Variants in DHRSX observed in about 807,000 individuals in gnomAD.
DHRSX encodes polyprenol dehydrogenase.
In DHRSX, 31 loss-of-function variants were observed where a neutral mutation model predicts 34.0. The ratio of observed to expected loss-of-function variants is 0.91; its 90% confidence interval spans 0.69 to 1.23. The LOEUF is 1.23. Ranked by LOEUF, DHRSX falls within the 50% of genes most tolerant of loss-of-function variation. The pLI, the probability that DHRSX is intolerant of heterozygous loss-of-function variation, is 0.00. For missense variants in DHRSX, 414 were observed against 428.1 expected (o/e 0.97, Z 0.29); for synonymous variants, 201 against 183.8 (o/e 1.09, Z -0.76).
At chrX:2,390,366 G>A (rs2043321644) in intron 3 of DHRSX, among the ~76,000 whole-genome samples, 1 of 151,174 alleles carries the variant, frequency 6.6e-6, no homozygotes, top group South Asian at 2.1e-4. Context: ...TCAAACTCCT[G>A]ACCTCAGGTG....
intron 6 of DHRSX, among the ~76,000 whole-genome samples, chrX:2,238,572 G>C (rs1189467245): frequency 6.6e-6 from 1 of 151,178 alleles, no homozygotes; most frequent in East Asian, 1.9e-4. Context: ...GATCCTGCAA[G>C]GTTTTTCTTC....
At chrX:2,478,901 G>A (rs1049849784) in intron 1 of DHRSX, among the ~76,000 whole-genome samples, 2 of 151,864 alleles carry the variant, frequency 1.3e-5, no homozygotes, top group Non-Finnish European at 2.9e-5. Flanking sequence ...CTAAGTATGT[G>A]GCTAAGGGAC....
At chrX:2,445,318 T>G (rs1467275234) in intron 1 of DHRSX, among the ~76,000 whole-genome samples, 1 of 152,162 alleles carries the variant, frequency 6.6e-6, no homozygotes, top group Non-Finnish European at 1.5e-5. Flanking sequence ...TATTTTGCCG[T>G]GACCAGGATT....
At chrX:2,448,600 A>G (rs1462135571) in intron 1 of DHRSX, among the ~76,000 whole-genome samples, 1 of 152,076 alleles carries the variant, frequency 6.6e-6, no homozygotes, top group African/African-American at 2.4e-5. Flanking sequence ...TTAATATGTT[A>G]ATTGACTTGA....
rs181308644 is a variant in DHRSX, at chrX:2,379,035, C to T, written c.286+29710G>A. Reference sequence around the variant, plus strand: ...TGTGTCTGGTGCAATAATGACCTGCCTCATGATCTGTCACTGTCTCCCATT... The same window carrying T: ...TGTGTCTGGTGCAATAATGACCTGCTTCATGATCTGTCACTGTCTCCCATT... On this transcript the variant is annotated intron_variant, in intron 3 of 6. Transcript: ENST00000334651. Among the ~76,000 whole-genome samples the T allele has an allele frequency of 9.1e-3, 1,379 of 152,240 alleles. 10 individuals are homozygous for T. The highest frequency in any genetic ancestry group is 0.019 in the South Asian group (91 of 4,818).
intron 2 of DHRSX, among the ~76,000 whole-genome samples, chrX:2,413,061 G>A (rs2043651368): frequency 6.6e-6 from 1 of 152,094 alleles, no homozygotes; most frequent in Non-Finnish European, 1.5e-5. Flanking sequence ...CGGGTACGGT[G>A]GCATGCACCT....
At chrX:2,295,357 T>C (rs1317332825) in intron 3 of DHRSX, among the ~76,000 whole-genome samples, 1 of 152,106 alleles carries the variant, frequency 6.6e-6, no homozygotes, top group East Asian at 1.9e-4. Context: ...TTCTCACTCA[T>C]CAGTGGAAGT....
chrX:2,303,875 G>GAACT (rs2042052382), intron 3 of DHRSX, among the ~76,000 whole-genome samples: 1 of 136,854 alleles, frequency 7.3e-6, no homozygotes, highest in Admixed American at 7.2e-5. Flanking sequence ...ATGGGTGGAT[G>GAACT]GGTGGATGGA....
intron 1 of DHRSX, among the ~76,000 whole-genome samples, chrX:2,433,913 T>C (rs28581835): frequency 0.11 from 17,248 of 152,112 alleles, 1,815 homozygotes; most frequent in African/African-American, 0.27. Flanking sequence ...TAGCTGGGAC[T>C]ACAGGCGCCC....
intron 3 of DHRSX, among the ~76,000 whole-genome samples, chrX:2,300,042 G>A (rs1207490493): frequency 6.6e-6 from 1 of 152,108 alleles, no homozygotes; most frequent in African/African-American, 2.4e-5. Flanking sequence ...TTTGTTTGGA[G>A]TTCTGGCAAA....
At chrX:2,344,274 T>A (rs773726168) in intron 3 of DHRSX, among the ~76,000 whole-genome samples, 1 of 152,228 alleles carries the variant, frequency 6.6e-6, no homozygotes, top group African/African-American at 2.4e-5. Flanking sequence ...ATTAGAGAAA[T>A]GCAAATCAAA....
chrX:2,256,196 T>C (rs112975432), intron 5 of DHRSX, among the ~76,000 whole-genome samples: 18,059 of 150,770 alleles, frequency 0.12, 3,511 homozygotes, highest in African/African-American at 0.41. Flanking sequence ...GGTTTCACCA[T>C]GTTGGCCAGG....
chrX:2,249,926 G>A (rs2016397104), intron 5 of DHRSX, among the ~76,000 whole-genome samples: 1 of 151,968 alleles, frequency 6.6e-6, no homozygotes, highest in Non-Finnish European at 1.5e-5. Context: ...GACTTTGGGA[G>A]GCCAAGGCTG....
rs186270801 is a variant in DHRSX at position 2,480,395 on chromosome X, T to C, written c.109+20422A>G. On this transcript the variant is annotated intron_variant, in intron 1 of 6. Coordinates refer to ENST00000334651, the MANE Select transcript of DHRSX (RefSeq NM_145177.3). ...TTTGTCAAAGAACATAAAATTTCAG[T>C]TGGAGGCCAGGAGCGGTGGCTCATG... Among the ~76,000 whole-genome samples, 316 of 150,926 alleles carry C rather than the reference T, an allele frequency of 2.1e-3. 2 individuals are homozygous for C. The highest frequency in any genetic ancestry group is 6.3e-3 in the African/African-American group (258 of 41,110).
Position 2,425,228 on chromosome X carries a change from A to C in DHRSX, c.186T>G (p.His62Gln), listed in dbSNP as rs2043828825. The change falls in exon 2 of 7, where the codon CAT becomes CAG. Residue 62 changes from histidine to glutamine, a missense_variant. His to Gln is a conservative substitution (Grantham distance 24, BLOSUM62 0). Transcript: ENST00000334651. ...TAACATGCATGCCAAGTCTCGCCAGATGCTTCGCTGTAGAATAGCCAATGC... is the reference window on the plus strand; with the variant it reads ...TAACATGCATGCCAAGTCTCGCCAGCTGCTTCGCTGTAGAATAGCCAATGC... ...TDGIGYSTAKHLARLGMHVII... is the reference protein window; with the variant it reads ...TDGIGYSTAKQLARLGMHVII... 1 of 1,613,712 alleles carries C rather than the reference A, an allele frequency of 6.2e-7. No homozygotes were observed. The highest frequency in any genetic ancestry group is 1.3e-5 in the African/African-American group (1 of 74,874).
intron 3 of DHRSX, among the ~76,000 whole-genome samples, chrX:2,304,124 A>AATGG (rs2042062892): frequency 5.8e-5 from 1 of 17,150 alleles, no homozygotes; most frequent in South Asian, 2.3e-3. Flanking sequence ...TGGATGGATA[A>AATGG]ATGGATGGAT....
chrX:2,318,295 G>A (rs1219752918), intron 3 of DHRSX, among the ~76,000 whole-genome samples: 2 of 150,934 alleles, frequency 1.3e-5, no homozygotes, highest in Non-Finnish European at 1.5e-5. Flanking sequence ...GAGCTGAGAA[G>A]GTCAAGGCTG....
intron 3 of DHRSX, among the ~76,000 whole-genome samples, chrX:2,356,188 C>T (rs957142803): frequency 6.6e-5 from 10 of 151,920 alleles, no homozygotes; most frequent in Admixed American, 5.9e-4. Context: ...CCAGGCAGGC[C>T]AACATGGTGA....
At chrX:2,273,828 G>C (rs777743164) in intron 4 of DHRSX, among the ~76,000 whole-genome samples, 3 of 152,204 alleles carry the variant, frequency 2.0e-5, no homozygotes, top group Non-Finnish European at 4.4e-5. Flanking sequence ...GGTATCTTTT[G>C]CAAGAGCAGA....
Sources: gnomAD v4.1 joint callset for allele counts (sites outside exome capture counted in the v4.1 genomes callset) on GRCh38, gnomAD v4.1.1 for gene constraint, MANE v1.5 for transcripts, NCBI Gene and HGNC (gene_info 2026-07-23, HGNC 2026-07-21) for gene names.